The following DISP1 variants were observed in gnomAD, a reference collection of about 807,000 sequenced individuals.
The protein encoded by DISP1 is dispatched RND transporter family member 1, also known as protein dispatched homolog 1.
A neutral mutation model predicts 37.3 loss-of-function variants in DISP1; 30 were observed. The ratio of observed to expected loss-of-function variants is 0.80; its 90% CI spans 0.60 to 1.09. The LOEUF (loss-of-function observed/expected upper bound fraction) is 1.09. Among genes scored for constraint, DISP1 ranks in the 50% least tolerant of loss-of-function variants. The probability of loss-of-function intolerance (pLI) is 0.00; values close to 1 mark genes in which losing one functional copy is unlikely to be tolerated. For synonymous variants in DISP1, 634 were observed against 690.2 expected (o/e 0.92, Z 1.28); for missense variants, 1,598 against 1,879.5 (o/e 0.85, Z 2.77).
intron 1 of DISP1, among the ~76,000 whole-genome samples, chr1:222,897,411 C>G (rs1671326372): frequency 6.6e-6 from 1 of 152,030 alleles, no homozygotes; most frequent in Non-Finnish European, 1.5e-5. Flanking sequence ...ATGGATGCAT[C>G]TATTCGTTGT....
At chr1:222,898,801 G>A (rs986119952) in intron 1 of DISP1, among the ~76,000 whole-genome samples, 3 of 151,888 alleles carry the variant, frequency 2.0e-5, no homozygotes, top group African/African-American at 4.8e-5. Context: ...TGCTTTCAGG[G>A]TTTGGTTATA....
chr1:222,884,301 G>T (rs1670452868), intron 1 of DISP1, among the ~76,000 whole-genome samples: 1 of 151,960 alleles, frequency 6.6e-6, no homozygotes, highest in Non-Finnish European at 1.5e-5. Context: ...ATTGAAACAA[G>T]GAAACTAATA....
intron 1 of DISP1, among the ~76,000 whole-genome samples, chr1:222,850,100 A>G (rs1668137841): frequency 6.6e-6 from 1 of 152,136 alleles, no homozygotes; most frequent in African/African-American, 2.4e-5. Context: ...TAAGCCCCAT[A>G]GGGTTTCTGT....
At chr1:222,889,983 A>G in intron 1 of DISP1, among the ~76,000 whole-genome samples, 1 of 152,274 alleles carries the variant, frequency 6.6e-6, no homozygotes, top group Middle Eastern at 3.4e-3. Context: ...AATTAATGTA[A>G]CTAAAAAAGA....
chr1:222,839,954 A>G (rs989629916), intron 1 of DISP1, among the ~76,000 whole-genome samples: 4 of 152,032 alleles, frequency 2.6e-5, no homozygotes, highest in South Asian at 4.1e-4. Flanking sequence ...TGCATTTAGT[A>G]CACCTAGCTT....
intron 1 of DISP1, among the ~76,000 whole-genome samples, chr1:222,847,998 GT>G (rs1399595434): frequency 6.6e-6 from 1 of 151,488 alleles, no homozygotes; most frequent in Non-Finnish European, 1.5e-5. Context: ...GAACCTATTG[GT>G]TTTTTTACAT....
chr1:222,902,619 C>A (rs1671660401), intron 1 of DISP1, among the ~76,000 whole-genome samples: 1 of 151,978 alleles, frequency 6.6e-6, no homozygotes, highest in Admixed American at 6.6e-5. Flanking sequence ...AAAAAAACAA[C>A]CCCATAAAAA....
At chr1:222,968,885 A>G (rs548825782) in intron 3 of DISP1, among the ~76,000 whole-genome samples, 1 of 152,230 alleles carries the variant, frequency 6.6e-6, no homozygotes, top group Admixed American at 6.5e-5. Flanking sequence ...GTGAGCTGAG[A>G]TAGTACCATT....
chr1:222,877,802 A>C (rs1479809021), intron 1 of DISP1, among the ~76,000 whole-genome samples: 20 of 152,220 alleles, frequency 1.3e-4, no homozygotes, highest in Admixed American at 1.3e-3. Flanking sequence ...AGGCTCCTTG[A>C]GAAGAGCCTT....
At chr1:222,895,889 G>C (rs1258039453) in intron 1 of DISP1, among the ~76,000 whole-genome samples, 1 of 152,136 alleles carries the variant, frequency 6.6e-6, no homozygotes, top group Non-Finnish European at 1.5e-5. Context: ...TGTGACCTTA[G>C]GAAAGGCACA....
chr1:222,898,680 C>G (rs944692187), intron 1 of DISP1, among the ~76,000 whole-genome samples: 2 of 151,836 alleles, frequency 1.3e-5, no homozygotes, highest in Non-Finnish European at 2.9e-5. Context: ...TTAAAAGATG[C>G]CTAATGGTTT....
chr1:222,893,302 T>C lies in DISP1; in HGVS notation c.-158-35128T>C, dbSNP rs1157354524. Among the ~76,000 whole-genome samples the C allele has an allele frequency of 2.6e-5, 4 of 152,254 alleles. No individual in the cohort carries two copies. Among genetic ancestry groups the C allele is most frequent in the Non-Finnish European group, 5.9e-5 (4 of 68,042 alleles). On this transcript the variant is annotated intron_variant, in intron 1 of 8. Coordinates refer to ENST00000675850, the MANE Select transcript of DISP1 (RefSeq NM_001377229.1). The surrounding 1 kb of genome is among the most constrained non-coding windows in gnomAD (Gnocchi z 4.3). ...TATAATAATTACTGTCACTCATTAT[T>C]GTCATGGGATCCTTGGGATGTTACT...
At chr1:222,895,346 C>T (rs1276579722) in intron 1 of DISP1, among the ~76,000 whole-genome samples, 3 of 152,100 alleles carry the variant, frequency 2.0e-5, no homozygotes, top group African/African-American at 7.2e-5. Flanking sequence ...AGTAGTTAAC[C>T]GAATACCAGT....
chr1:222,839,831 G>A (rs752267372), intron 1 of DISP1, among the ~76,000 whole-genome samples: 5 of 152,034 alleles, frequency 3.3e-5, no homozygotes, highest in Admixed American at 6.5e-5. Flanking sequence ...TACTCGGGAG[G>A]CTGAGGCAGG....
At chr1:222,971,359 T>C (rs1380288157) in intron 3 of DISP1, among the ~76,000 whole-genome samples, 1 of 151,856 alleles carries the variant, frequency 6.6e-6, no homozygotes, top group Non-Finnish European at 1.5e-5. Flanking sequence ...CCGTTGGAGT[T>C]CATTTTGATA....
At chr1:222,944,266 A>G (rs1181096194) in intron 3 of DISP1, among the ~76,000 whole-genome samples, 12 of 152,174 alleles carry the variant, frequency 7.9e-5, no homozygotes. Context: ...TACTAGAAAA[A>G]TCAATATCAT....
At chr1:222,870,328 T>TG (rs1418222864) in intron 1 of DISP1, among the ~76,000 whole-genome samples, 2 of 152,196 alleles carry the variant, frequency 1.3e-5, no homozygotes, top group African/African-American at 4.8e-5. Flanking sequence ...CTGGGTCAAA[T>TG]GGTATTTCTA....
At chr1:222,883,841 G>C (rs1670418777) in intron 1 of DISP1, among the ~76,000 whole-genome samples, 1 of 152,286 alleles carries the variant, frequency 6.6e-6, no homozygotes, top group East Asian at 1.9e-4. Flanking sequence ...TACTGTGTTT[G>C]CTTACAAGTA....
chr1:222,838,777 A>G (rs1667409791), intron 1 of DISP1, among the ~76,000 whole-genome samples: 1 of 152,234 alleles, frequency 6.6e-6, no homozygotes, highest in Non-Finnish European at 1.5e-5. Flanking sequence ...TCTCAAAAAT[A>G]TAAGTAAACT....
Sources: gnomAD v4.1 joint callset for allele counts (sites outside exome capture counted in the v4.1 genomes callset) on GRCh38, gnomAD v4.1.1 for gene constraint, Gnocchi (gnomAD v3.1) non-coding constraint, MANE v1.5 for transcripts, NCBI Gene and HGNC (gene_info 2026-07-23, HGNC 2026-07-21) for gene names.